The following CFAP298 variants were observed in gnomAD, a reference collection of about 807,000 sequenced individuals.
CFAP298 encodes cilia and flagella associated protein 298.
CFAP298 carries 38 observed loss-of-function variants against 41.0 expected under a neutral mutation model. The observed-to-expected ratio is 0.93, with a 90% confidence interval of 0.72 to 1.22. CFAP298 has a LOEUF of 1.22. Among genes scored for constraint, CFAP298 ranks in the 50% most tolerant of loss-of-function variants. CFAP298 has a pLI of 0.00. For synonymous variants in CFAP298, 137 were observed against 135.3 expected, an observed-to-expected ratio of 1.01 and a Z score of -0.09; for missense variants, 348 against 360.3, an observed-to-expected ratio of 0.97 and a Z score of 0.28.
At chr21:32,611,254 A>T (rs1184253605) in intron 1 of CFAP298, among the ~76,000 whole-genome samples, 1 of 149,284 alleles carries the variant, frequency 6.7e-6, no homozygotes, top group Non-Finnish European at 1.5e-5. Flanking sequence ...CAGTGAGCAG[A>T]GATCGCGCCA....
intron 3 of CFAP298, among the ~76,000 whole-genome samples, chr21:32,606,548 G>A (rs1252991671): frequency 3.3e-5 from 5 of 152,162 alleles, no homozygotes; most frequent in African/African-American, 4.8e-5. Flanking sequence ...CCACGCAAAC[G>A]ACGGGCTCAA....
At chr21:32,611,695 G>C (rs1156325803) in intron 1 of CFAP298, among the ~76,000 whole-genome samples, 1 of 152,138 alleles carries the variant, frequency 6.6e-6, no homozygotes, top group African/African-American at 2.4e-5. Flanking sequence ...AAGCCAGGTG[G>C]CTCGCTGCTT....
At chr21:32,603,086 G>T in intron 5 of CFAP298, 75 bp downstream of exon 5, 1 of 1,536,948 alleles carries the variant, frequency 6.5e-7, no homozygotes, top group Non-Finnish European at 9.0e-7. Flanking sequence ...AAATCTTTCG[G>T]ATTCACTGTA....
At chr21:32,608,224 C>CAAAAAAAAAA (rs751998741) in intron 2 of CFAP298, among the ~76,000 whole-genome samples, 14 of 93,912 alleles carry the variant, frequency 1.5e-4, no homozygotes, top group South Asian at 3.2e-4. Flanking sequence ...GCTTAGAAGC[C>CAAAAAAAAAA]AAAAAAAAAA....
At chr21:32,607,754 C>A in intron 2 of CFAP298, 38 bp from the exon 3 acceptor site, 1 of 1,282,578 alleles carries the variant, frequency 7.8e-7, no homozygotes, top group East Asian at 2.3e-5. Flanking sequence ...AAAGAGCTGT[C>A]AAATACAAAG....
intron 2 of CFAP298, among the ~76,000 whole-genome samples, chr21:32,608,750 A>AT (rs1052543970): frequency 6.6e-6 from 1 of 151,208 alleles, no homozygotes; most frequent in African/African-American, 2.4e-5. Context: ...TGGTTCTCAT[A>AT]TTTTTTTTCC....
chr21:32,611,209 C>T (rs1237029413), intron 1 of CFAP298, among the ~76,000 whole-genome samples: 1 of 150,708 alleles, frequency 6.6e-6, no homozygotes, highest in Non-Finnish European at 1.5e-5. Context: ...GAGGCTGAGG[C>T]AGGAGAATAG....
At chr21:32,610,824 T>C (rs1004978956) in intron 1 of CFAP298, among the ~76,000 whole-genome samples, 1 of 152,174 alleles carries the variant, frequency 6.6e-6, no homozygotes, top group Non-Finnish European at 1.5e-5. Flanking sequence ...TCATGCAATT[T>C]AATAAATCAC....
chr21:32,605,423 G>T (rs974829129), intron 3 of CFAP298, among the ~76,000 whole-genome samples: 5 of 152,302 alleles, frequency 3.3e-5, no homozygotes, highest in Middle Eastern at 3.4e-3. Flanking sequence ...TCAAGGAAGG[G>T]GCTGGCCGTG....
At chr21:32,603,741 C>G (rs2038805145) in intron 4 of CFAP298, among the ~76,000 whole-genome samples, 1 of 152,140 alleles carries the variant, frequency 6.6e-6, no homozygotes, top group Non-Finnish European at 1.5e-5. Flanking sequence ...ACATGAGGGT[C>G]AGAAAATAAC....
At chr21:32,612,067 C>G in intron 1 of CFAP298, 38 bp downstream of exon 1, 1 of 1,504,402 alleles carries the variant, frequency 6.6e-7, no homozygotes, top group South Asian at 1.3e-5. Context: ...ACGCCGGTCT[C>G]TCGATCTGTC....
At position 32,603,285 on chromosome 21, in the gene CFAP298, A is replaced by C; in HGVS notation, c.542T>G (p.Leu181Arg). 1 of 1,614,120 alleles carries C rather than the reference A, an allele frequency of 6.2e-7. No homozygotes were observed. Among genetic ancestry groups the C allele is most frequent in the East Asian group, 2.2e-5 (1 of 44,874 alleles). Residue 181 changes from leucine to arginine, a missense_variant, in exon 5 of 7, where the codon CTC becomes CGC. Physicochemically the swap from Leu to Arg is moderately radical, Grantham distance 102. Coordinates refer to ENST00000290155, the MANE Select transcript of CFAP298 (RefSeq NM_021254.4). ...KEDLSGTQAGLNVIKEAEAQL... is the reference protein window; with the variant it reads ...KEDLSGTQAGRNVIKEAEAQL... The stretch of plus-strand genomic sequence containing the variant: ...CGCCTCTGCCTCTTTAATGACGTTG[A>C]GCCCTGCCTGGGGCCAGTCGTAAGA...
Position 32,599,903 on chromosome 21 carries a change from G to A in CFAP298, c.*1960C>T, listed in dbSNP as rs1035936014. The stretch of plus-strand genomic sequence containing the variant: ...GGGTATTTAAGGAGTGTAGTGTCAT[G>A]CGTGAGTGACTTTTTGGTTAGTAAG... On this transcript the variant is annotated 3_prime_UTR_variant, in exon 7 of 7. Coordinates refer to ENST00000290155, the MANE Select transcript of CFAP298 (RefSeq NM_021254.4). 6.6e-6 allele frequency among the ~76,000 whole-genome samples: 1 copy of A among 152,224 alleles called. No individual in the cohort carries two copies. Among genetic ancestry groups the A allele is most frequent in the Non-Finnish European group, 1.5e-5 (1 of 68,048 alleles).
Position 32,599,451 on chromosome 21 carries a change from A to G in CFAP298, c.*2412T>C, listed in dbSNP as rs2038701808. 6.6e-6 allele frequency among the ~76,000 whole-genome samples: 1 copy of G among 152,248 alleles called. No homozygotes were observed. Among genetic ancestry groups the G allele is most frequent in the African/African-American group, 2.4e-5 (1 of 41,456 alleles). On this transcript the variant is annotated 3_prime_UTR_variant, in exon 7 of 7. Transcript: ENST00000290155. The stretch of plus-strand genomic sequence containing the variant: ...TGTCAAAGGACAAAACCACAGACCT[A>G]GATGGGCACCGTGCATACAGCAGAC...
chr21:32,607,169 A>G (rs185621869), intron 3 of CFAP298, among the ~76,000 whole-genome samples: 3 of 152,206 alleles, frequency 2.0e-5, no homozygotes, highest in African/African-American at 7.2e-5. Flanking sequence ...CCTCTGGGCA[A>G]CCGTCAGGAT....
chr21:32,603,442 C>A (rs1429108695), intron 4 of CFAP298, 150 bp from the exon 5 acceptor site: 3 of 742,246 alleles, frequency 4.0e-6, no homozygotes, highest in East Asian at 5.3e-5. Context: ...TAAGTCCTTG[C>A]TGACTTTAGT....
chr21:32,602,888 T>C (rs1021471955), intron 5 of CFAP298: 1 of 1,352,814 alleles, frequency 7.4e-7, no homozygotes, highest in Non-Finnish European at 9.7e-7. Context: ...AACATATCTG[T>C]TTACTTGCAG....
chr21:32,603,274 T>C lies in CFAP298; in HGVS notation c.553A>G (p.Lys185Glu). ...SGTQAGLNVIKEAEAQLWWAA... is the reference protein window; with the variant it reads ...SGTQAGLNVIEEAEAQLWWAA... Reference sequence around the variant, plus strand: ...CACCACAGCTGCGCCTCTGCCTCTTTAATGACGTTGAGCCCTGCCTGGGGC... The same window carrying C: ...CACCACAGCTGCGCCTCTGCCTCTTCAATGACGTTGAGCCCTGCCTGGGGC... Residue 185 changes from lysine to glutamate, a missense_variant, in exon 5 of 7, where the codon AAA becomes GAA. Transcript: ENST00000290155. The C allele has an allele frequency of 6.2e-7, 1 of 1,614,180 alleles. No individual in the cohort carries two copies. The highest frequency in any genetic ancestry group is 8.5e-7 in the Non-Finnish European group (1 of 1,180,040).
chr21:32,603,153 G>C lies in CFAP298; in HGVS notation c.666+8C>G. ...AACTACTGACACATTAAAGCAAAAA[G>C]TACTTACTTGCTGAATCTTGGCGAT... On this transcript the variant is annotated splice_region_variant and intron_variant, in intron 5 of 6. Transcript: ENST00000290155. The C allele has an allele frequency of 1.2e-6, 2 of 1,614,114 alleles. No individual in the cohort carries two copies. Among genetic ancestry groups the C allele is most frequent in the Non-Finnish European group, 1.7e-6 (2 of 1,179,946 alleles).
Sources: allele counts gnomAD v4.1 joint callset (sites outside exome capture counted in the v4.1 genomes callset), GRCh38; gene constraint gnomAD v4.1.1; transcripts MANE v1.5; gene names NCBI Gene and HGNC (gene_info 2026-07-23, HGNC 2026-07-21).